The following FHIT variants were observed in gnomAD, a reference collection of about 807,000 sequenced individuals.
FHIT encodes bis(5'-adenosyl)-triphosphatase.
A neutral mutation model predicts 17.9 loss-of-function variants in FHIT; 19 were observed. That is an observed-to-expected ratio of 1.06 (90% CI 0.74 to 1.56). The LOEUF (loss-of-function observed/expected upper bound fraction) is 1.56, where lower values mean the gene tolerates loss of function less well. Among genes scored for constraint, FHIT ranks in the 40% most tolerant of loss-of-function variants. FHIT has a pLI of 0.00. For missense variants in FHIT, 248 were observed against 189.2 expected (o/e 1.31, Z -1.82); for synonymous variants, 81 against 69.7 (o/e 1.16, Z -0.81).
chr3:60,197,069 G>A (rs1298880708), intron 5 of FHIT, among the ~76,000 whole-genome samples: 2 of 152,146 alleles, frequency 1.3e-5, no homozygotes, highest in Non-Finnish European at 2.9e-5. Flanking sequence ...TCCCCATAGT[G>A]TGGTACATAT....
At chr3:60,495,868 A>G (rs983734484) in intron 5 of FHIT, among the ~76,000 whole-genome samples, 17 of 152,150 alleles carry the variant, frequency 1.1e-4, no homozygotes, top group African/African-American at 4.1e-4. Context: ...AAAGAGACCA[A>G]CTGAACTCAG....
chr3:60,336,894 CAA>C (rs35302219), intron 5 of FHIT, among the ~76,000 whole-genome samples: 2,508 of 104,718 alleles, frequency 0.024, 52 homozygotes, highest in African/African-American at 0.068. Context: ...TCAAAGTAAG[CAA>C]AAAAAAAAAA....
intron 5 of FHIT, among the ~76,000 whole-genome samples, chr3:60,448,685 T>C (rs2031511500): frequency 6.6e-6 from 1 of 152,158 alleles, no homozygotes; most frequent in Non-Finnish European, 1.5e-5. Context: ...TTGATCATTT[T>C]CCCTGCACTT....
intron 1 of FHIT, among the ~76,000 whole-genome samples, chr3:61,246,004 G>C (rs772069086): frequency 6.6e-6 from 1 of 152,158 alleles, no homozygotes; most frequent in Non-Finnish European, 1.5e-5. Flanking sequence ...GGTTGCAGTA[G>C]AGAAGTTGGC....
chr3:60,488,883 A>G (rs2033950750), intron 5 of FHIT, among the ~76,000 whole-genome samples: 1 of 152,216 alleles, frequency 6.6e-6, no homozygotes, highest in African/African-American at 2.4e-5. Flanking sequence ...ACATGAAACT[A>G]TAATATTTTG....
intron 5 of FHIT, among the ~76,000 whole-genome samples, chr3:60,039,036 T>TG (rs1280052996): frequency 6.6e-6 from 1 of 152,180 alleles, no homozygotes; most frequent in Non-Finnish European, 1.5e-5. Context: ...AGTCATACCG[T>TG]GGCTGAGACT....
intron 4 of FHIT, among the ~76,000 whole-genome samples, chr3:60,806,817 T>A (rs1701408614): frequency 6.6e-6 from 1 of 152,024 alleles, no homozygotes; most frequent in African/African-American, 2.4e-5. Context: ...TTGCCAGGAG[T>A]GCATAGAAGG....
chr3:61,209,078 C>T (rs2039358011), intron 1 of FHIT, among the ~76,000 whole-genome samples: 1 of 151,958 alleles, frequency 6.6e-6, no homozygotes, highest in South Asian at 2.1e-4. Flanking sequence ...ACTTATGAAG[C>T]TTAGTTTGGC....
chr3:60,315,879 C>G (rs1259640948), intron 5 of FHIT, among the ~76,000 whole-genome samples: 1 of 152,206 alleles, frequency 6.6e-6, no homozygotes, highest in East Asian at 1.9e-4. Context: ...ATTCCAACTA[C>G]TCAAAGAATT....
Position 59,948,531 on chromosome 3 carries a change from A to T in FHIT, c.280-26117T>A, listed in dbSNP as rs1453714951. Among the ~76,000 whole-genome samples, 12 of 147,700 alleles carry T rather than the reference A, an allele frequency of 8.1e-5. No homozygotes were observed. In the South Asian group the frequency reaches 2.3e-3, roughly 28 times the overall value. ...GATTCTGTCTAAAAAAAATAAAAATAAAAAAAAATAAATAAATAAAAAATA... is the reference window on the plus strand; with the variant it reads ...GATTCTGTCTAAAAAAAATAAAAATTAAAAAAAATAAATAAATAAAAAATA... On this transcript the variant is annotated intron_variant, in intron 7 of 9. Transcript: ENST00000492590.
intron 5 of FHIT, among the ~76,000 whole-genome samples, chr3:60,127,171 G>C (rs937662069): frequency 2.6e-5 from 4 of 152,112 alleles, no homozygotes; most frequent in African/African-American, 7.2e-5. Context: ...CCACAGGCCA[G>C]AGAACTCAGC....
intron 3 of FHIT, among the ~76,000 whole-genome samples, chr3:60,926,386 C>G (rs1707614831): frequency 6.6e-6 from 1 of 152,182 alleles, no homozygotes. Context: ...CAAACTAGAA[C>G]TCAGGATTAA....
chr3:60,438,445 T>G (rs1425853719), intron 5 of FHIT, among the ~76,000 whole-genome samples: 1 of 152,080 alleles, frequency 6.6e-6, no homozygotes. Flanking sequence ...CTTTGCTGTC[T>G]CATCCTTACA....
intron 2 of FHIT, among the ~76,000 whole-genome samples, chr3:61,099,195 T>C (rs192831017): frequency 3.9e-5 from 6 of 152,226 alleles, no homozygotes; most frequent in African/African-American, 1.4e-4. Context: ...TTTTTGTCTT[T>C]AGTTATGTTT....
At chr3:60,223,949 C>T (rs901691923) in intron 5 of FHIT, among the ~76,000 whole-genome samples, 2 of 152,080 alleles carry the variant, frequency 1.3e-5, no homozygotes, top group African/African-American at 4.8e-5. Context: ...AATTCTTGGT[C>T]GTGGTGCTTG....
At chr3:60,441,670 G>A (rs1387524972) in intron 5 of FHIT, among the ~76,000 whole-genome samples, 2 of 141,420 alleles carry the variant, frequency 1.4e-5, no homozygotes, top group South Asian at 2.3e-4. Context: ...ATACATTCTT[G>A]AAGAATTGAT....
At chr3:61,166,669 C>A (rs951142562) in intron 2 of FHIT, among the ~76,000 whole-genome samples, 1 of 152,196 alleles carries the variant, frequency 6.6e-6, no homozygotes, top group African/African-American at 2.4e-5. Context: ...TTCCAAATAT[C>A]CACTTGTAAC....
intron 5 of FHIT, among the ~76,000 whole-genome samples, chr3:60,148,436 AT>A (rs913650933): frequency 1.3e-5 from 2 of 152,320 alleles, no homozygotes; most frequent in African/African-American, 4.8e-5. Flanking sequence ...TATAGTATTT[AT>A]TTTTATCCTA....
At chr3:60,867,719 C>T (rs371232708) in intron 3 of FHIT, among the ~76,000 whole-genome samples, 1 of 152,138 alleles carries the variant, frequency 6.6e-6, no homozygotes, top group Non-Finnish European at 1.5e-5. Flanking sequence ...ATTCTCCAAT[C>T]TTTCTCCCCC....
Sources: allele counts gnomAD v4.1 joint callset (sites outside exome capture counted in the v4.1 genomes callset), GRCh38; gene constraint gnomAD v4.1.1; transcripts MANE v1.5; gene names NCBI Gene and HGNC (gene_info 2026-07-23, HGNC 2026-07-21).